SLC67A1: variants seen among roughly 807,000 people sequenced by gnomAD.
SLC67A1 encodes solute carrier family 67 member 1, also known as solute carrier family 67 member A1.
chr11:2,909,821 G>T, the SLC67A1 span: 7 of 1,197,046 alleles, frequency 5.8e-6, no homozygotes, highest in East Asian at 2.1e-4. Flanking sequence ...TGGGGCGCGA[G>T]TGGCCACGTG....
the SLC67A1 span, chr11:2,903,535 C>G: frequency 1.2e-6 from 2 of 1,602,446 alleles, no homozygotes. Context: ...AGGGCTGAAC[C>G]GCTGTTCCTC....
chr11:2,917,975 C>G, the SLC67A1 span: 22 of 1,606,182 alleles, frequency 1.4e-5, no homozygotes, highest in Admixed American at 3.7e-4. Flanking sequence ...CCTGAATGGC[C>G]TCTCCGTGCC....
chr11:2,916,341 C>T, the SLC67A1 span: 57 of 407,554 alleles, frequency 1.4e-4, no homozygotes, highest in Middle Eastern at 6.2e-4. Flanking sequence ...CCCAGGCGCT[C>T]ACCAGCCTGG....
At chr11:2,924,230 C>A in the SLC67A1 span, among the ~76,000 whole-genome samples, 1 of 152,218 alleles carries the variant, frequency 6.6e-6, no homozygotes, top group East Asian at 1.9e-4. This position sits in a 1 kb window ranked among gnomAD's most constrained non-coding sequence, Gnocchi z 8.6. Flanking sequence ...CAGGCTGCTG[C>A]GCAGGTCGGG....
At chr11:2,909,574 C>G in the SLC67A1 span, 1 of 1,527,060 alleles carries the variant, frequency 6.5e-7, no homozygotes, top group Non-Finnish European at 8.7e-7. Context: ...CGCCCCGTCC[C>G]CAGCCGCCCA....
At chr11:2,911,897 C>T in the SLC67A1 span, among the ~76,000 whole-genome samples, 1 of 152,228 alleles carries the variant, frequency 6.6e-6, no homozygotes, top group African/African-American at 2.4e-5. Flanking sequence ...GCCAAGACGG[C>T]CTCTACCTCT....
the SLC67A1 span, chr11:2,925,090 AGCTTTG>A: frequency 6.2e-7 from 1 of 1,613,818 alleles, no homozygotes; most frequent in Non-Finnish European, 8.5e-7. This position sits in a 1 kb window ranked among gnomAD's most constrained non-coding sequence, Gnocchi z 6.5. Flanking sequence ...CCTGTACCGC[AGCTTTG>A]GCGTCCCCGT....
chr11:2,907,877 G>A, the SLC67A1 span, among the ~76,000 whole-genome samples: 3 of 152,200 alleles, frequency 2.0e-5, no homozygotes, highest in African/African-American at 2.4e-5. This position sits in a 1 kb window ranked among gnomAD's most constrained non-coding sequence, Gnocchi z 6.7. Context: ...GGGACAATCT[G>A]TTGCTGGCCA....
the SLC67A1 span, chr11:2,922,478 G>T: frequency 1.2e-6 from 2 of 1,612,522 alleles, no homozygotes; most frequent in Non-Finnish European, 1.7e-6. Flanking sequence ...CCTGGTGCCC[G>T]GCCTGGTGTT....
the SLC67A1 span, among the ~76,000 whole-genome samples, chr11:2,904,428 G>T: frequency 1.3e-5 from 2 of 152,374 alleles, no homozygotes; most frequent in Non-Finnish European, 2.9e-5. Flanking sequence ...CTGCTAAATG[G>T]CTGGGGCCAA....
chr11:2,914,027 GC>G, the SLC67A1 span, among the ~76,000 whole-genome samples: 124,377 of 152,070 alleles, frequency 0.82, 51,787 homozygotes, highest in East Asian at 1. Context: ...GTTAGGGGCA[GC>G]CGGCAGCTGT....
At chr11:2,913,244 G>A in the SLC67A1 span, among the ~76,000 whole-genome samples, 1 of 152,178 alleles carries the variant, frequency 6.6e-6, no homozygotes, top group Non-Finnish European at 1.5e-5. Context: ...ACCTCGCAGT[G>A]CCCAGGACAC....
At chr11:2,912,536 G>T in the SLC67A1 span, among the ~76,000 whole-genome samples, 1 of 151,986 alleles carries the variant, frequency 6.6e-6, no homozygotes, top group Non-Finnish European at 1.5e-5. Flanking sequence ...ACCCACCTGT[G>T]TATCCCATTC....
chr11:2,924,272 C>T, the SLC67A1 span, among the ~76,000 whole-genome samples: 1 of 152,316 alleles, frequency 6.6e-6, no homozygotes, highest in East Asian at 1.9e-4. This position sits in a 1 kb window ranked among gnomAD's most constrained non-coding sequence, Gnocchi z 8.6. Flanking sequence ...GCCGCTCGGT[C>T]TTGCTCTGGG....
chr11:2,917,536 G>A, the SLC67A1 span, among the ~76,000 whole-genome samples: 1 of 152,224 alleles, frequency 6.6e-6, no homozygotes, highest in East Asian at 1.9e-4. Flanking sequence ...GCCAGGCCAC[G>A]GCGGTGACTT....
At chr11:2,901,531 A>G in the SLC67A1 span, among the ~76,000 whole-genome samples, 2 of 152,244 alleles carry the variant, frequency 1.3e-5, no homozygotes, top group Non-Finnish European at 2.9e-5. Context: ...AGTCAGGGGC[A>G]CGGAGAATGG....
the SLC67A1 span, chr11:2,918,915 A>T: frequency 5.1e-6 from 1 of 194,216 alleles, no homozygotes; most frequent in African/African-American, 2.4e-5. Flanking sequence ...GGCTGGTCTC[A>T]AACTCCTGGC....
chr11:2,919,215 C>A, the SLC67A1 span: 3 of 884,670 alleles, frequency 3.4e-6, no homozygotes, highest in East Asian at 2.4e-5. Flanking sequence ...GGCCCAGACA[C>A]CCTGATTGGC....
chr11:2,921,408 T>C, the SLC67A1 span: 1 of 152,750 alleles, frequency 6.5e-6, no homozygotes, highest in African/African-American at 2.4e-5. Flanking sequence ...GCCTGCCCTG[T>C]GGGCAGATAC....
Sources: gnomAD v4.1 joint callset for allele counts (sites outside exome capture counted in the v4.1 genomes callset) on GRCh38, gnomAD v4.1.1 for gene constraint, Gnocchi (gnomAD v3.1) non-coding constraint, MANE v1.5 for transcripts, NCBI Gene and HGNC (gene_info 2026-07-23, HGNC 2026-07-21) for gene names.